The following ZBTB21 variants were observed in gnomAD, a reference collection of about 807,000 sequenced individuals.
The protein encoded by ZBTB21 is zinc finger and BTB domain-containing protein 21.
ZBTB21 carries 10 observed loss-of-function variants against 39.8 expected under a neutral mutation model. The ratio of observed to expected loss-of-function variants is 0.25; its 90% CI spans 0.16 to 0.43. The LOEUF (loss-of-function observed/expected upper bound fraction) is 0.43, where lower values mean the gene tolerates loss of function less well. Among genes scored for constraint, ZBTB21 ranks in the 20% least tolerant of loss-of-function variants. ZBTB21 has a pLI of 1.00. For synonymous variants in ZBTB21, 551 were observed against 498.8 expected (o/e 1.10, Z -1.40); for missense variants, 1,221 against 1,296.3 (o/e 0.94, Z 0.89).
chr21:42,009,585 G>A (rs1674225056), intron 1 of ZBTB21: 1 of 152,648 alleles, frequency 6.6e-6, no homozygotes. Flanking sequence ...CCCAGACAAG[G>A]TCTGCGGGGG....
chr21:42,008,540 C>CAAAAAAAAAAAAAAAAAAAAAGAAA (rs2065910836), intron 1 of ZBTB21, among the ~76,000 whole-genome samples: 2 of 60,374 alleles, frequency 3.3e-5, no homozygotes, highest in Non-Finnish European at 3.2e-5. Context: ...GAAACTCTGT[C>CAAAAAAAAAAAAAAAAAAAAAGAAA]AAAAAAAAAA....
rs1202062653 is a variant in ZBTB21, at chr21:41,999,506, C to T, written c.-14+3391G>A. 5.3e-5 allele frequency among the ~76,000 whole-genome samples: 8 copies of T among 150,466 alleles called. No individual in the cohort carries two copies. The East Asian group carries it at 1.5e-3, about 29-fold the overall frequency. On this transcript the variant is annotated intron_variant, in intron 2 of 2. Transcript: ENST00000310826. ...TTCTAGGCTAACCAACCTCTTTGAGCCTCAGTTTACCTCGCCATAAAATAA... is the reference window on the plus strand; with the variant it reads ...TTCTAGGCTAACCAACCTCTTTGAGTCTCAGTTTACCTCGCCATAAAATAA...
At chr21:42,004,435 C>T (rs2146335571) in intron 1 of ZBTB21, among the ~76,000 whole-genome samples, 1 of 152,164 alleles carries the variant, frequency 6.6e-6, no homozygotes, top group Non-Finnish European at 1.5e-5. Flanking sequence ...GAATATAGAG[C>T]ATTCTAGTGA....
In ZBTB21 at chr21:41,991,415, C is replaced by A. The variant is rs749409453; in HGVS notation, c.2681G>T (p.Ser894Ile). 2.5e-6 allele frequency: 4 copies of A among 1,611,364 alleles called. No individual in the cohort carries two copies. The highest frequency in any genetic ancestry group is 2.2e-5 in the South Asian group (2 of 90,770). The change falls in exon 3 of 3, where the codon AGC becomes ATC. Residue 894 changes from serine to isoleucine, a missense_variant. Ser to Ile is a moderately radical substitution (Grantham distance 142). Coordinates refer to ENST00000310826, the MANE Select transcript of ZBTB21 (RefSeq NM_001098402.2). This position sits in a 1 kb window ranked among gnomAD's most constrained non-coding sequence, Gnocchi z 4.9. ...EEAEEEAPEA[S>I]TAPKEAGPSK... Reference sequence around the variant, plus strand: ...AGGACCCGCTTCTTTGGGGGCTGTGCTGGCCTCGGGTGCCTCTTCTTCAGC... The same window carrying A: ...AGGACCCGCTTCTTTGGGGGCTGTGATGGCCTCGGGTGCCTCTTCTTCAGC...
At chr21:41,995,473 G>A (rs2065733785) in intron 2 of ZBTB21, among the ~76,000 whole-genome samples, 1 of 152,184 alleles carries the variant, frequency 6.6e-6, no homozygotes, top group South Asian at 2.1e-4. Flanking sequence ...TAGGGTATCT[G>A]GCAGAAGGAA....
chr21:41,996,586 A>ATTTCT (rs2065750160), intron 2 of ZBTB21, among the ~76,000 whole-genome samples: 1 of 152,224 alleles, frequency 6.6e-6, no homozygotes, highest in Non-Finnish European at 1.5e-5. Context: ...TTGTCTCAGA[A>ATTTCT]GAGACTTTGG....
At position 41,988,367 on chromosome 21, in the gene ZBTB21, CATGA is replaced by C. The variant is rs1260831934; in HGVS notation, c.*2524_*2527del. 1 of 152,212 alleles carries C rather than the reference CATGA, an allele frequency of 6.6e-6. No individual in the cohort carries two copies. Among genetic ancestry groups the C allele is most frequent in the Non-Finnish European group, 1.5e-5 (1 of 68,016 alleles). The allele number at this position is 152,212 out of a possible 1,614,324, so 9.4% of individuals were successfully genotyped here. A position where few individuals can be genotyped will look rare whatever the true frequency, so the allele number is the denominator to read the frequency against. Reference sequence around the variant, plus strand: ...TAATTACAATCCTAAAATATATTTACATGAATATCTTCACTAGCTAATGAGTTGC... The same window carrying C: ...TAATTACAATCCTAAAATATATTTACATATCTTCACTAGCTAATGAGTTGC... On this transcript the variant is annotated 3_prime_UTR_variant, in exon 3 of 3. Transcript: ENST00000310826.
chr21:42,009,674 G>GCACCGAGCGGTCACGCTCCGGC (rs2065933362), intron 1 of ZBTB21: 1 of 153,070 alleles, frequency 6.5e-6, no homozygotes, highest in Non-Finnish European at 1.5e-5. Context: ...CGTCCAGCGG[G>GCACCGAGCGGTCACGCTCCGGC]CACCGAGCGG....
Position 41,990,714 on chromosome 21 carries a change from G to T in ZBTB21, c.*181C>A. ...CCAGAACCACAATATTTTAAAAGCT[G>T]TATTTCTAAAGTTAAGGACATTACT... On this transcript the variant is annotated 3_prime_UTR_variant, in exon 3 of 3. Coordinates refer to ENST00000310826, the MANE Select transcript of ZBTB21 (RefSeq NM_001098402.2). 1.9e-6 allele frequency: 1 copy of T among 517,094 alleles called. No individual in the cohort carries two copies. The highest frequency in any genetic ancestry group is 3.1e-6 in the Non-Finnish European group (1 of 320,216). The allele number at this position is 517,094 out of a possible 1,614,324, so 32.0% of individuals were successfully genotyped here. A position where few individuals can be genotyped will look rare whatever the true frequency, so the allele number is the denominator to read the frequency against.
Position 41,993,107 on chromosome 21 carries a change from T to TAC in ZBTB21, c.988_989insGT (p.Asp330GlyfsTer29). ...ACTCTTAACAAGTGGGCCACTCCTG[T>TAC]CAATGCTTTGGTTTCCAGAACCAGA... On this transcript the variant is annotated frameshift_variant, in exon 3 of 3. Coordinates refer to ENST00000310826, the MANE Select transcript of ZBTB21 (RefSeq NM_001098402.2). LOFTEE classifies it high-confidence loss of function. The TAC allele has an allele frequency of 6.2e-7, 1 of 1,614,248 alleles. No individual in the cohort carries two copies. The highest frequency in any genetic ancestry group is 8.5e-7 in the Non-Finnish European group (1 of 1,180,044).
chr21:42,009,414 C>G (rs905349142), intron 1 of ZBTB21: 1 of 152,234 alleles, frequency 6.6e-6, no homozygotes, highest in Admixed American at 6.5e-5. Flanking sequence ...CCGCGGGCGT[C>G]TCTAAGGCCG....
In ZBTB21 at chr21:42,010,275, G is replaced by A; in HGVS notation, c.-102C>T. 2.5e-6 allele frequency: 1 copy of A among 398,450 alleles called. No homozygotes were observed. The highest frequency in any genetic ancestry group is 4.4e-5 in the Admixed American group (1 of 22,740). The allele number at this position is 398,450 out of a possible 1,614,324, so 24.7% of individuals were successfully genotyped here. On this transcript the variant is annotated 5_prime_UTR_variant, in exon 1 of 3. Coordinates refer to ENST00000310826, the MANE Select transcript of ZBTB21 (RefSeq NM_001098402.2). ...ACCGGTCTTCAGTCTCGAGGCAGAC[G>A]CCGGGCCCCTTTCCGCTCACACTCG...
rs2065585637 is a variant in ZBTB21, at chr21:41,986,870, T to C, written c.*4025A>G. On this transcript the variant is annotated 3_prime_UTR_variant, in exon 3 of 3. Transcript: ENST00000310826. ...AGTACAAATTTATTGACTCCAATCA[T>C]TCTTAGTCAACATTTAAGCAAACTG... The C allele has an allele frequency of 6.6e-6, 1 of 152,616 alleles. No individual in the cohort carries two copies. Among genetic ancestry groups the C allele is most frequent in the Non-Finnish European group, 1.5e-5 (1 of 68,036 alleles). 9.5% of individuals were successfully genotyped at this position (152,616 alleles called of 1,614,324 possible). A position where few individuals can be genotyped will look rare whatever the true frequency, so the allele number is the denominator to read the frequency against.
rs2065705481 is a variant in ZBTB21, at chr21:41,993,658, C to T, written c.438G>A (p.Lys146=). 6.2e-7 allele frequency: 1 copy of T among 1,614,182 alleles called. No homozygotes were observed. Among genetic ancestry groups the T allele is most frequent in the Non-Finnish European group, 8.5e-7 (1 of 1,180,028 alleles). ...FVEDDENSSQ[K]RSVIVCQSRN... The stretch of plus-strand genomic sequence containing the variant: ...TACTTTGACAAACAATGACACTTCT[C>T]TTTTGAGAACTGTTTTCATCATCTT... Residue 146 remains lysine, a synonymous_variant, in exon 3 of 3, where the codon AAG becomes AAA. Transcript: ENST00000310826.
Position 41,992,413 on chromosome 21 carries a change from A to T in ZBTB21, c.1683T>A (p.Leu561=), listed in dbSNP as rs1233960587. 1 of 1,614,172 alleles carries T rather than the reference A, an allele frequency of 6.2e-7. No individual in the cohort carries two copies. Among genetic ancestry groups the T allele is most frequent in the East Asian group, 2.2e-5 (1 of 44,878 alleles). Residue 561 remains leucine (L), a synonymous_variant, in exon 3 of 3, where the codon CTT becomes CTA. Coordinates refer to ENST00000310826, the MANE Select transcript of ZBTB21 (RefSeq NM_001098402.2). The surrounding 1 kb of genome is among the most constrained non-coding windows in gnomAD (Gnocchi z 4.1). The part of the protein sequence containing the change: ...CLKIFRSTAG[L]HRHVNMYHNP... ...TATGGTACATGTTAACATGACGGTG[A>T]AGACCTGCTGTTGATCTAAAGATCT...
Position 41,993,093 on chromosome 21 carries a change from G to A in ZBTB21, c.1003C>T (p.Leu335Phe). ...GACCGTCTGAGGAGACTCTTAACAA[G>A]TGGGCCACTCCTGTCAATGCTTTGG... ...GNQSIDRSGP[L>F]VKSLLRRSLS... is the part of the protein sequence containing the mutation. Residue 335 changes from leucine to phenylalanine, a missense_variant, in exon 3 of 3, where the codon CTT (leucine) becomes TTT (phenylalanine). This residue lies in a region of ZBTB21 where 500 missense variants were observed against 465.6 expected (regional missense o/e 1.07). Coordinates refer to ENST00000310826, the MANE Select transcript of ZBTB21 (RefSeq NM_001098402.2). 6.2e-7 allele frequency: 1 copy of A among 1,614,258 alleles called. No homozygotes were observed. The highest frequency in any genetic ancestry group is 8.5e-7 in the Non-Finnish European group (1 of 1,180,054).
chr21:42,003,750 C>T (rs2065845217), intron 1 of ZBTB21, among the ~76,000 whole-genome samples: 1 of 152,200 alleles, frequency 6.6e-6, no homozygotes, highest in African/African-American at 2.4e-5. Flanking sequence ...CCAAGCATTT[C>T]AGATAAGGGA....
chr21:41,987,490 A>C lies in ZBTB21; in HGVS notation c.*3405T>G, dbSNP rs574326824. 6.6e-6 allele frequency: 1 copy of C among 152,358 alleles called. No individual in the cohort carries two copies. The highest frequency in any genetic ancestry group is 1.9e-4 in the East Asian group (1 of 5,192). 9.4% of individuals were successfully genotyped at this position (152,358 alleles called of 1,614,324 possible). On this transcript the variant is annotated 3_prime_UTR_variant, in exon 3 of 3. Transcript: ENST00000310826. ...ACTTAAAGTTTAGTAGTCAGTGTTA[A>C]AGAACACTTTTAAAGAGTACGTGTC...
At position 41,990,620 on chromosome 21, in the gene ZBTB21, C is replaced by G. The variant is rs1021666896; in HGVS notation, c.*275G>C. 1.5e-4 allele frequency: 37 copies of G among 246,594 alleles called. No individual in the cohort carries two copies. The highest frequency in any genetic ancestry group is 8.0e-4 in the African/African-American group (36 of 44,760). 15.3% of individuals were successfully genotyped at this position (246,594 alleles called of 1,614,324 possible). On this transcript the variant is annotated 3_prime_UTR_variant, in exon 3 of 3. Transcript: ENST00000310826. ...TATACTGACACCATGGAATGAGGAA[C>G]CATGCACACAATCAAGACTAATCCA...
Sources: allele counts gnomAD v4.1 joint callset (sites outside exome capture counted in the v4.1 genomes callset), GRCh38; gene constraint gnomAD v4.1.1; regional missense constraint gnomAD v4.1.1; non-coding constraint Gnocchi (gnomAD v3.1); transcripts MANE v1.5; gene names NCBI Gene and HGNC (gene_info 2026-07-23, HGNC 2026-07-21).